NTN1: variants seen among roughly 807,000 people sequenced by gnomAD.
NTN1 encodes netrin 1.
In NTN1, 11 loss-of-function variants were observed where a neutral mutation model predicts 54.2. The observed-to-expected ratio is 0.20, with a 90% CI of 0.13 to 0.34. NTN1 has a LOEUF of 0.34. Among genes scored for constraint, NTN1 ranks in the 10% least tolerant of loss-of-function variants. The pLI, the probability that NTN1 is intolerant of heterozygous loss-of-function variation, is 1.00. For missense variants in NTN1, 740 were observed against 893.1 expected, an observed-to-expected ratio of 0.83 and a Z score of 2.18; for synonymous variants, 371 against 382.0, an observed-to-expected ratio of 0.97 and a Z score of 0.33.
chr17:9,177,840 C>CA (rs1257346349), intron 3 of NTN1: 1 of 152,240 alleles, frequency 6.6e-6, no homozygotes, highest in Non-Finnish European at 1.5e-5. Flanking sequence ...TCGAGAGAGA[C>CA]AAACAACAGA....
chr17:9,147,495 CAGAG>C (rs1431987427), intron 2 of NTN1, among the ~76,000 whole-genome samples: 1 of 152,134 alleles, frequency 6.6e-6, no homozygotes, highest in Non-Finnish European at 1.5e-5. Flanking sequence ...GCCTGGGCGA[CAGAG>C]AGAGACTCCG....
Position 9,239,515 on chromosome 17 carries a change from G to A in NTN1, c.1487-125G>A. 6.7e-6 allele frequency: 6 copies of A among 899,982 alleles called. No homozygotes were observed. The highest frequency in any genetic ancestry group is 1.0e-5 in the Non-Finnish European group (6 of 591,860). 55.7% of individuals were successfully genotyped at this position (899,982 alleles called of 1,614,324 possible). ...AGCTTGCCACCACCCACGCGCTCCTGTATGGGCCACTCTGTGCAGTCACTT... is the reference window on the plus strand; with the variant it reads ...AGCTTGCCACCACCCACGCGCTCCTATATGGGCCACTCTGTGCAGTCACTT... On this transcript the variant is annotated intron_variant, in intron 6 of 6. Transcript: ENST00000173229. The surrounding 1 kb of genome is among the most constrained non-coding windows in gnomAD (Gnocchi z 5.2).
chr17:9,111,219 A>G (rs1597491298), intron 2 of NTN1, among the ~76,000 whole-genome samples: 1 of 152,208 alleles, frequency 6.6e-6, no homozygotes, highest in South Asian at 2.1e-4. Flanking sequence ...TACAGGCGTG[A>G]GCCACTGCGC....
intron 2 of NTN1, among the ~76,000 whole-genome samples, chr17:9,144,958 T>C (rs1177273408): frequency 6.6e-6 from 1 of 152,202 alleles, no homozygotes; most frequent in Admixed American, 6.5e-5. Context: ...GTCTGTGGTC[T>C]GTACCCCACA....
chr17:9,052,985 T>C (rs141886394), intron 2 of NTN1, among the ~76,000 whole-genome samples: 73 of 152,362 alleles, frequency 4.8e-4, no homozygotes, highest in African/African-American at 1.7e-3. Flanking sequence ...CTGACTTTGC[T>C]GTTATTATGT....
chr17:9,006,321 G>T, the NTN1 span, among the ~76,000 whole-genome samples: 1 of 152,204 alleles, frequency 6.6e-6, no homozygotes, highest in East Asian at 1.9e-4. Flanking sequence ...CCTCCAGAAA[G>T]GTCAGCTTGG....
At chr17:9,143,271 T>G (rs1597504166) in intron 2 of NTN1, among the ~76,000 whole-genome samples, 1 of 148,836 alleles carries the variant, frequency 6.7e-6, no homozygotes, top group African/African-American at 2.5e-5. Flanking sequence ...GGGGGAGGAG[T>G]GGAGAGAAAG....
intron 6 of NTN1, among the ~76,000 whole-genome samples, chr17:9,226,260 G>A (rs1905544139): frequency 6.6e-6 from 1 of 152,080 alleles, no homozygotes; most frequent in Admixed American, 6.6e-5. Context: ...CTAATTTGCT[G>A]TGTGACTGTG....
At chr17:9,218,721 C>G (rs77228231) in intron 5 of NTN1, among the ~76,000 whole-genome samples, 2 of 152,222 alleles carry the variant, frequency 1.3e-5, no homozygotes, top group Non-Finnish European at 1.5e-5. Flanking sequence ...AGCTAGGCAC[C>G]GCAGTCCCTC....
At position 9,208,173 on chromosome 17, in the gene NTN1, A is replaced by C. The variant is rs143571821; in HGVS notation, c.1412-12995A>C. On this transcript the variant is annotated intron_variant, in intron 5 of 6. Coordinates refer to ENST00000173229, the MANE Select transcript of NTN1 (RefSeq NM_004822.3). ...CTTGAACCTGGAAGGCGGAGGTTGC[A>C]GTGAGCTGAGATCATGCCATTGCAC... is the stretch of plus-strand genomic sequence containing the variant. Among the ~76,000 whole-genome samples, 1,458 of 152,330 alleles carry C rather than the reference A, an allele frequency of 9.6e-3. 29 individuals carry two copies. The highest frequency in any genetic ancestry group is 0.033 in the African/African-American group (1,389 of 41,564).
intron 2 of NTN1, among the ~76,000 whole-genome samples, chr17:9,050,203 C>T (rs1439543555): frequency 1.3e-4 from 20 of 150,834 alleles, no homozygotes; most frequent in Non-Finnish European, 1.9e-4. Context: ...GCTGAGATTG[C>T]GCCACTGCAC....
chr17:9,223,334 C>T (rs932533011), intron 6 of NTN1, among the ~76,000 whole-genome samples: 1 of 152,112 alleles, frequency 6.6e-6, no homozygotes, highest in African/African-American at 2.4e-5. Context: ...GGCAGATCAC[C>T]TGAGGGTGAA....
chr17:9,226,103 A>G (rs1905531686), intron 6 of NTN1, among the ~76,000 whole-genome samples: 1 of 140,946 alleles, frequency 7.1e-6, no homozygotes, highest in African/African-American at 2.6e-5. Context: ...GCTTACAGAG[A>G]GCCAGAGCCC....
chr17:9,214,578 T>G (rs1905176474), intron 5 of NTN1, among the ~76,000 whole-genome samples: 1 of 152,196 alleles, frequency 6.6e-6, no homozygotes, highest in Non-Finnish European at 1.5e-5. Flanking sequence ...ATCCCAGCAC[T>G]TTGGGAGGCC....
chr17:9,202,109 T>C (rs977365957), intron 5 of NTN1, among the ~76,000 whole-genome samples: 2 of 132,520 alleles, frequency 1.5e-5, no homozygotes, highest in Admixed American at 8.1e-5. Context: ...GGTATGGTGG[T>C]ACGCACCTGT....
chr17:9,079,109 G>A (rs963506073), intron 2 of NTN1, among the ~76,000 whole-genome samples: 1 of 152,236 alleles, frequency 6.6e-6, no homozygotes, highest in Non-Finnish European at 1.5e-5. Context: ...TGGCAAAGAA[G>A]CAGAAGCTTG....
intron 2 of NTN1, among the ~76,000 whole-genome samples, chr17:9,071,988 A>C (rs1026469246): frequency 3.5e-4 from 54 of 152,316 alleles, no homozygotes; most frequent in South Asian, 6.2e-4. Flanking sequence ...GGGAGGGGTG[A>C]GAGATGCTGT....
chr17:9,119,178 TA>T (rs1224194679), intron 2 of NTN1, among the ~76,000 whole-genome samples: 3 of 148,022 alleles, frequency 2.0e-5, no homozygotes, highest in Non-Finnish European at 4.5e-5. Flanking sequence ...AAAAATGTAT[TA>T]TTTATTTATT....
chr17:9,066,124 A>G (rs1307683581), intron 2 of NTN1, among the ~76,000 whole-genome samples: 1 of 152,226 alleles, frequency 6.6e-6, no homozygotes, highest in East Asian at 1.9e-4. Context: ...CACTAGTTGT[A>G]TTAAAGATGT....
Sources: gnomAD v4.1 joint callset for allele counts (sites outside exome capture counted in the v4.1 genomes callset) on GRCh38, gnomAD v4.1.1 for gene constraint, Gnocchi (gnomAD v3.1) non-coding constraint, MANE v1.5 for transcripts, NCBI Gene and HGNC (gene_info 2026-07-23, HGNC 2026-07-21) for gene names.